PTPA: variants seen among roughly 807,000 people sequenced by gnomAD.
PTPA encodes the protein protein phosphatase 2 phosphatase activator, also known as serine/threonine-protein phosphatase 2A activator.
PTPA carries 13 observed loss-of-function variants against 43.6 expected under a neutral mutation model. The ratio of observed to expected loss-of-function variants is 0.30; its 90% CI spans 0.19 to 0.47. The LOEUF is 0.47. Ranked by LOEUF, PTPA falls within the 20% of genes least tolerant of loss-of-function variation. The pLI is 0.99. For synonymous variants in PTPA, 172 were observed against 158.2 expected (o/e 1.09, Z -0.66); for missense variants, 329 against 411.9 (o/e 0.80, Z 1.74).
upstream of PTPA, chr9:129,111,117 G>A: frequency 1.5e-6 from 2 of 1,329,834 alleles, no homozygotes; most frequent in East Asian, 9.3e-5. Context: ...ATGTTGACCG[G>A]GGAATGTCCT....
At chr9:129,136,430 T>C (rs761760032) in intron 6 of PTPA, 41 bp from the exon 7 acceptor site, 2 of 1,583,814 alleles carry the variant, frequency 1.3e-6, no homozygotes, top group Non-Finnish European at 1.7e-6. Flanking sequence ...GACTGTCTTT[T>C]TACTTTTTGC....
chr9:129,129,110 G>A lies in PTPA; in HGVS notation c.342G>A (p.Glu114=). 1 of 1,612,130 alleles carries A rather than the reference G, an allele frequency of 6.2e-7. No homozygotes were observed. The highest frequency in any genetic ancestry group is 8.5e-7 in the Non-Finnish European group (1 of 1,179,946). The part of the protein sequence containing the change: ...AYRTWYAKLD[E]EAENLVATVV... The stretch of plus-strand genomic sequence containing the variant: ...GGACCTGGTATGCCAAACTTGATGA[G>A]GTGAGGCTGCCACAGGACAGGCCAG... The change falls in exon 4 of 10, where the codon GAG becomes GAA. Residue 114 remains glutamate, a splice_region_variant and synonymous_variant. Coordinates refer to ENST00000393370, the MANE Select transcript of PTPA (RefSeq NM_178000.3).
chr9:129,138,034 C>T (rs573925899), intron 8 of PTPA: 10 of 351,874 alleles, frequency 2.8e-5, no homozygotes, highest in African/African-American at 1.1e-4. Flanking sequence ...CAGCATCTTT[C>T]GGTGGGGCCC....
Position 129,136,973 on chromosome 9 carries a change from A to G in PTPA, c.685+378A>G, listed in dbSNP as rs145159732. Among the ~76,000 whole-genome samples, 354 of 152,252 alleles carry G rather than the reference A, an allele frequency of 2.3e-3. 2 individuals are homozygous for G. The highest frequency in any genetic ancestry group is 8.0e-3 in the African/African-American group (331 of 41,550). On this transcript the variant is annotated intron_variant, in intron 7 of 9. Transcript: ENST00000393370. ...TTTGATTTGGTGACCAGTGTCATCC[A>G]CTGTTATTATCGAGCTGTGTGCAAA...
chr9:129,112,235 C>T (rs550670852), intron 1 of PTPA, among the ~76,000 whole-genome samples: 75 of 152,312 alleles, frequency 4.9e-4, no homozygotes, highest in African/African-American at 1.7e-3. Flanking sequence ...GCATCTCCTT[C>T]GGTAACTCTT....
chr9:129,111,835 A>C, intron 1 of PTPA: 1 of 1,209,126 alleles, frequency 8.3e-7, no homozygotes, highest in Non-Finnish European at 1.0e-6. Flanking sequence ...GGGGCTGCAA[A>C]GGGGTGGTGA....
intron 2 of PTPA, among the ~76,000 whole-genome samples, chr9:129,121,127 C>T (rs972306496): frequency 5.9e-5 from 9 of 152,226 alleles, no homozygotes; most frequent in African/African-American, 2.2e-4. Context: ...ACTACTTGTA[C>T]CTCTCAGGCT....
At chr9:129,117,675 G>A (rs1848968227) in intron 1 of PTPA, among the ~76,000 whole-genome samples, 1 of 149,638 alleles carries the variant, frequency 6.7e-6, no homozygotes, top group Non-Finnish European at 1.5e-5. Context: ...AAAGTGTTGG[G>A]ATTACAGGTG....
At chr9:129,140,310 T>C (rs1850692653) in intron 8 of PTPA, among the ~76,000 whole-genome samples, 1 of 152,166 alleles carries the variant, frequency 6.6e-6, no homozygotes, top group Non-Finnish European at 1.5e-5. Flanking sequence ...GATTCCTTTT[T>C]CTCCCACTCG....
chr9:129,123,774 C>T (rs1849405896), intron 3 of PTPA, among the ~76,000 whole-genome samples: 1 of 151,924 alleles, frequency 6.6e-6, no homozygotes, highest in Non-Finnish European at 1.5e-5. Flanking sequence ...ACCTCTGCCT[C>T]CTGGGTTCAA....
chr9:129,136,468 C>A lies in PTPA; in HGVS notation c.561-3C>A. On this transcript the variant is annotated splice_polypyrimidine_tract_variant and splice_region_variant and intron_variant, in intron 6 of 9. Transcript: ENST00000393370. ...CCTTCCCTTTCCCTGTCCTCCTGTG[C>A]AGGTACCTTGAGGTTATGCGGAAAC... 1.2e-6 allele frequency: 2 copies of A among 1,611,330 alleles called. No individual in the cohort carries two copies. Among genetic ancestry groups the A allele is most frequent in the Non-Finnish European group, 1.7e-6 (2 of 1,178,530 alleles).
chr9:129,128,042 C>A, intron 3 of PTPA: 1 of 1,342,644 alleles, frequency 7.4e-7, no homozygotes. Flanking sequence ...ACCATTACCC[C>A]GCGCCGGGCA....
chr9:129,142,308 T>G (rs1434713197), intron 8 of PTPA, 137 bp from the exon 9 acceptor site: 5 of 742,934 alleles, frequency 6.7e-6, no homozygotes, highest in African/African-American at 1.8e-5. Context: ...GGTCCCCAAG[T>G]GTCTGCGCGT....
chr9:129,138,979 C>G (rs1232306155), intron 8 of PTPA, among the ~76,000 whole-genome samples: 1 of 152,184 alleles, frequency 6.6e-6, no homozygotes, highest in African/African-American at 2.4e-5. Context: ...GCGCTGCTCT[C>G]TGTGGAGTGG....
chr9:129,142,358 A>G (rs533373724), intron 8 of PTPA, 87 bp from the exon 9 acceptor site: 5 of 1,023,098 alleles, frequency 4.9e-6, no homozygotes, highest in Admixed American at 2.4e-5. Flanking sequence ...GTGTGTGTGC[A>G]TGCATGGGTG....
intron 5 of PTPA, among the ~76,000 whole-genome samples, chr9:129,132,064 C>A (rs1483665956): frequency 1.3e-5 from 2 of 152,098 alleles, no homozygotes; most frequent in African/African-American, 4.8e-5. Context: ...TCCCTTGAAC[C>A]CCTTGTCTCT....
At chr9:129,116,760 AGCCCAGGTGATCT>A (rs755189019) in intron 1 of PTPA, among the ~76,000 whole-genome samples, 2 of 151,964 alleles carry the variant, frequency 1.3e-5, no homozygotes, top group Non-Finnish European at 2.9e-5. Context: ...TGAACTCCTG[AGCCCAGGTGATCT>A]GCCCACCTCT....
intron 1 of PTPA, among the ~76,000 whole-genome samples, chr9:129,117,463 G>T (rs1564183136): frequency 6.6e-6 from 1 of 152,026 alleles, no homozygotes; most frequent in Non-Finnish European, 1.5e-5. Context: ...GAGTGCAGTG[G>T]CGTGATCTTG....
Position 129,123,080 on chromosome 9 carries a change from T to G in PTPA, c.158T>G (p.Leu53Arg). 1.9e-6 allele frequency: 3 copies of G among 1,612,090 alleles called. No individual in the cohort carries two copies. The highest frequency in any genetic ancestry group is 2.5e-6 in the Non-Finnish European group (3 of 1,178,776). ...TACGCTGACTACATCGGATTCATCCTTACCCTCAACGAAGGTGTGAAGGGG... is the reference window on the plus strand; with the variant it reads ...TACGCTGACTACATCGGATTCATCCGTACCCTCAACGAAGGTGTGAAGGGG... ...QAYADYIGFI[L>R]TLNEGVKGKK... The change falls in exon 3 of 10, where the codon CTT becomes CGT. Residue 53 changes from leucine to arginine, a missense_variant. By Grantham distance (102) the Leu-to-Arg change is moderately radical. Coordinates refer to ENST00000393370, the MANE Select transcript of PTPA (RefSeq NM_178000.3).
Sources: gnomAD v4.1 joint callset for allele counts (sites outside exome capture counted in the v4.1 genomes callset) on GRCh38, gnomAD v4.1.1 for gene constraint, MANE v1.5 for transcripts, NCBI Gene and HGNC (gene_info 2026-07-23, HGNC 2026-07-21) for gene names.